The following PPP2CB variants were observed in gnomAD, a reference collection of about 807,000 sequenced individuals.
PPP2CB encodes the protein protein phosphatase 2 catalytic subunit beta.
A neutral mutation model predicts 39.1 loss-of-function variants in PPP2CB; 18 were observed. The observed-to-expected ratio is 0.46, with a 90% CI of 0.32 to 0.68. The LOEUF (loss-of-function observed/expected upper bound fraction) is 0.68, where lower values mean the gene tolerates loss of function less well. Ranked by LOEUF, PPP2CB falls within the 30% of genes least tolerant of loss-of-function variation. The probability of loss-of-function intolerance (pLI) is 0.04; values close to 1 mark genes in which losing one functional copy is unlikely to be tolerated. For synonymous variants in PPP2CB, 129 were observed against 133.8 expected (o/e 0.96, Z 0.25); for missense variants, 226 against 396.9 (o/e 0.57, Z 3.66).
At position 30,791,186 on chromosome 8, in the gene PPP2CB, C is replaced by T. The variant is rs1806421904; in HGVS notation, c.857+11G>A. On this transcript the variant is annotated intron_variant, in intron 6 of 6. Coordinates refer to ENST00000221138, the MANE Select transcript of PPP2CB (RefSeq NM_001009552.2). The stretch of plus-strand genomic sequence containing the variant: ...TGAAAGTATATACAATTAAAATTTA[C>T]AGTTACTCACAAGGAATATTTTAAA... The T allele has an allele frequency of 6.6e-7, 1 of 1,523,002 alleles. No individual in the cohort carries two copies. The highest frequency in any genetic ancestry group is 1.2e-5 in the South Asian group (1 of 83,832). The allele number at this position is 1,523,002 out of a possible 1,614,324, so 94.3% of individuals were successfully genotyped here. A position where few individuals can be genotyped will look rare whatever the true frequency, so the allele number is the denominator to read the frequency against.
In PPP2CB at chr8:30,794,523, G is replaced by T. The variant is rs184087637; in HGVS notation, c.487-242C>A. On this transcript the variant is annotated intron_variant, in intron 3 of 6. Transcript: ENST00000221138. ...CTCCCTTCCTTTTCTCTGGTCAATG[G>T]TATCCCCATCCTTGGTACCTACCAT... The T allele has an allele frequency of 4.3e-5, 18 of 415,402 alleles. No homozygotes were observed. The Admixed American group carries it at 6.5e-4, about 15-fold the overall frequency. The allele number at this position is 415,402 out of a possible 1,614,324, so 25.7% of individuals were successfully genotyped here. A position where few individuals can be genotyped will look rare whatever the true frequency, so the allele number is the denominator to read the frequency against.
intron 1 of PPP2CB, among the ~76,000 whole-genome samples, chr8:30,806,716 T>G (rs1303305828): frequency 1.3e-5 from 2 of 152,230 alleles, no homozygotes; most frequent in African/African-American, 4.8e-5. Flanking sequence ...AAGTCTTTTA[T>G]AACATTCGTA....
intron 1 of PPP2CB, among the ~76,000 whole-genome samples, chr8:30,800,604 A>G (rs1005653420): frequency 2.6e-5 from 4 of 152,232 alleles, no homozygotes; most frequent in Non-Finnish European, 5.9e-5. Context: ...ACTAAATCGA[A>G]GTTCACTAAT....
chr8:30,786,340 AT>A (rs757298809), intron 6 of PPP2CB, 33 bp from the exon 7 acceptor site: 2 of 1,511,674 alleles, frequency 1.3e-6, no homozygotes, highest in Non-Finnish European at 1.8e-6. Context: ...CAAATAAAGG[AT>A]CTGACTTTGC....
At chr8:30,792,496 T>C (rs1404979845) in intron 5 of PPP2CB, among the ~76,000 whole-genome samples, 1 of 152,126 alleles carries the variant, frequency 6.6e-6, no homozygotes, top group Non-Finnish European at 1.5e-5. Flanking sequence ...CAGGCTGGAG[T>C]GCAGCGGTAC....
intron 1 of PPP2CB, among the ~76,000 whole-genome samples, chr8:30,811,209 T>C (rs7008358): frequency 0.14 from 21,042 of 152,202 alleles, 1,560 homozygotes; most frequent in African/African-American, 0.21. Context: ...ATCACCCGCA[T>C]GTTTTATTAT....
chr8:30,806,956 G>C (rs1028370646), intron 1 of PPP2CB, among the ~76,000 whole-genome samples: 1 of 152,128 alleles, frequency 6.6e-6, no homozygotes, highest in Admixed American at 6.6e-5. Flanking sequence ...CATATATAAA[G>C]TAGAGAAATG....
chr8:30,792,288 C>A (rs576379447), intron 5 of PPP2CB, among the ~76,000 whole-genome samples: 1 of 152,106 alleles, frequency 6.6e-6, no homozygotes, highest in African/African-American at 2.4e-5. Context: ...CTCCTGAGCT[C>A]CAGCAATCCG....
chr8:30,802,132 C>G (rs113122754), intron 1 of PPP2CB, among the ~76,000 whole-genome samples: 1 of 152,192 alleles, frequency 6.6e-6, no homozygotes, highest in Non-Finnish European at 1.5e-5. Flanking sequence ...ATACTTTCTT[C>G]TCCTTGCTTG....
In PPP2CB at chr8:30,812,550, G is replaced by A. The variant is rs532266825; in HGVS notation, c.-129C>T. On this transcript the variant is annotated 5_prime_UTR_variant, in exon 1 of 7. Coordinates refer to ENST00000221138, the MANE Select transcript of PPP2CB (RefSeq NM_001009552.2). ...CCGCCGCCGTCGCCAGGTCCCACAG[G>A]GGGAGGACTGAGCCGGGTAGGGCGG... 12 of 541,830 alleles carry A rather than the reference G, an allele frequency of 2.2e-5. No homozygotes were observed. Among genetic ancestry groups the A allele is most frequent in the South Asian group, 4.0e-5 (1 of 25,272 alleles). The allele number at this position is 541,830 out of a possible 1,614,324, so 33.6% of individuals were successfully genotyped here.
At chr8:30,790,818 G>C (rs1053138321) in intron 6 of PPP2CB, among the ~76,000 whole-genome samples, 1 of 152,204 alleles carries the variant, frequency 6.6e-6, no homozygotes, top group African/African-American at 2.4e-5. Context: ...GGGAGCTGAT[G>C]AAGAGGGGGA....
At position 30,812,581 on chromosome 8, in the gene PPP2CB, G is replaced by GGCCCCGC. The variant is rs1806861077; in HGVS notation, c.-167_-161dup. Reference sequence around the variant, plus strand: ...GACTGAGCCGGGTAGGGCGGCCGCGGGCCCCGCGCCCCGCCCAAGCCCAGC... The same window carrying GGCCCCGC: ...GACTGAGCCGGGTAGGGCGGCCGCGGGCCCCGCGCCCCGCGCCCCGCCCAAGCCCAGC... On this transcript the variant is annotated 5_prime_UTR_variant, in exon 1 of 7. Transcript: ENST00000221138. The GGCCCCGC allele has an allele frequency of 2.7e-6, 1 of 375,110 alleles. No individual in the cohort carries two copies. Among genetic ancestry groups the GGCCCCGC allele is most frequent in the South Asian group, 9.6e-5 (1 of 10,392 alleles). The allele number at this position is 375,110 out of a possible 1,614,324, so 23.2% of individuals were successfully genotyped here. A position where few individuals can be genotyped will look rare whatever the true frequency, so the allele number is the denominator to read the frequency against.
intron 3 of PPP2CB, 34 bp from the exon 4 acceptor site, chr8:30,794,315 T>A (rs1309661379): frequency 6.5e-7 from 1 of 1,529,462 alleles, no homozygotes; most frequent in Middle Eastern, 1.7e-4. Flanking sequence ...AATGTATTTG[T>A]TTTACTAACT....
intron 1 of PPP2CB, among the ~76,000 whole-genome samples, chr8:30,811,928 T>C (rs996308224): frequency 2.1e-4 from 32 of 152,292 alleles, no homozygotes; most frequent in African/African-American, 7.7e-4. Flanking sequence ...CTGAAAATGG[T>C]CCTTTTCGGA....
intron 3 of PPP2CB, among the ~76,000 whole-genome samples, chr8:30,796,288 C>T (rs1806524298): frequency 6.6e-6 from 1 of 152,116 alleles, no homozygotes; most frequent in African/African-American, 2.4e-5. Context: ...AATTATATTC[C>T]CACGAGCAGT....
Position 30,812,597 on chromosome 8 carries a change from C to A in PPP2CB, c.-176G>T. On this transcript the variant is annotated 5_prime_UTR_variant, in exon 1 of 7. Coordinates refer to ENST00000221138, the MANE Select transcript of PPP2CB (RefSeq NM_001009552.2). Reference sequence around the variant, plus strand: ...GCGGCCGCGGGCCCCGCGCCCCGCCCAAGCCCAGCAGGCGGCTCCGAGCGC... The same window carrying A: ...GCGGCCGCGGGCCCCGCGCCCCGCCAAAGCCCAGCAGGCGGCTCCGAGCGC... 2.8e-6 allele frequency: 1 copy of A among 356,162 alleles called. No homozygotes were observed. The highest frequency in any genetic ancestry group is 4.9e-6 in the Non-Finnish European group (1 of 205,254). The allele number at this position is 356,162 out of a possible 1,614,324, so 22.1% of individuals were successfully genotyped here. A position where few individuals can be genotyped will look rare whatever the true frequency, so the allele number is the denominator to read the frequency against.
intron 3 of PPP2CB, chr8:30,794,632 C>A: frequency 4.0e-6 from 1 of 253,018 alleles, no homozygotes; most frequent in Non-Finnish European, 7.6e-6. Context: ...TGCTGTGCTG[C>A]TGAGGATGGA....
In PPP2CB at chr8:30,791,372, C is replaced by G. The variant is rs1586121118; in HGVS notation, c.739-57G>C. 3 of 1,314,212 alleles carry G rather than the reference C, an allele frequency of 2.3e-6. No homozygotes were observed. The East Asian group carries it at 7.1e-5, about 31-fold the overall frequency. 81.4% of individuals were successfully genotyped at this position (1,314,212 alleles called of 1,614,324 possible). ...TATAATATTATGATTTTGACACAGA[C>G]ACATTTAAAAAAAACTAAACTCAAA... On this transcript the variant is annotated intron_variant, in intron 5 of 6. Transcript: ENST00000221138.
At chr8:30,789,049 CTT>C (rs5890534) in intron 6 of PPP2CB, among the ~76,000 whole-genome samples, 42 of 136,964 alleles carry the variant, frequency 3.1e-4, no homozygotes, top group Non-Finnish European at 4.0e-4. Context: ...GATGTTTTTA[CTT>C]TTTTTTTTTT....
Sources: allele counts gnomAD v4.1 joint callset (sites outside exome capture counted in the v4.1 genomes callset), GRCh38; gene constraint gnomAD v4.1.1; transcripts MANE v1.5; gene names NCBI Gene and HGNC (gene_info 2026-07-23, HGNC 2026-07-21).